Variants in KLHL14 observed in about 807,000 individuals in gnomAD.
The protein encoded by KLHL14 is kelch like family member 14, also known as kelch-like protein 14.
A neutral mutation model predicts 64.3 loss-of-function variants in KLHL14; 22 were observed. The observed-to-expected ratio is 0.34, with a 90% CI of 0.24 to 0.49. The LOEUF (loss-of-function observed/expected upper bound fraction) is 0.49. Among genes scored for constraint, KLHL14 ranks in the 20% least tolerant of loss-of-function variants. KLHL14 has a pLI of 0.99. For synonymous variants in KLHL14, 322 were observed against 333.4 expected (o/e 0.97, Z 0.37); for missense variants, 661 against 789.0 (o/e 0.84, Z 1.94).
chr18:32,693,413 C>CACAGAGAG (rs1229737083), intron 4 of KLHL14, among the ~76,000 whole-genome samples: 41 of 97,036 alleles, frequency 4.2e-4, no homozygotes, highest in African/African-American at 1.7e-3. Context: ...CACACACACA[C>CACAGAGAG]AGAGAGAGAG....
At chr18:32,766,271 A>G (rs1281095516) in intron 2 of KLHL14, among the ~76,000 whole-genome samples, 1 of 152,130 alleles carries the variant, frequency 6.6e-6, no homozygotes, top group Non-Finnish European at 1.5e-5. Context: ...TATACATTAA[A>G]ATTTCAAACT....
chr18:32,741,773 T>C (rs2144530379), intron 3 of KLHL14, among the ~76,000 whole-genome samples, 155 bp downstream of exon 3: 1 of 152,226 alleles, frequency 6.6e-6, no homozygotes, highest in African/African-American at 2.4e-5. Context: ...AATTTAGTTT[T>C]TTACTCTAAA....
At position 32,770,081 on chromosome 18, in the gene KLHL14, T is replaced by A. The variant is rs375947842; in HGVS notation, c.511A>T (p.Lys171Ter). The A allele has an allele frequency of 6.2e-7, 1 of 1,613,972 alleles. No homozygotes were observed. The highest frequency in any genetic ancestry group is 8.5e-7 in the Non-Finnish European group (1 of 1,179,978). Residue 171 changes from lysine to a stop codon, truncating the protein, a stop_gained, in exon 2 of 9, where the codon AAG (lysine) becomes TAG (stop). Coordinates refer to ENST00000359358, the MANE Select transcript of KLHL14 (RefSeq NM_020805.3). LOFTEE classifies it high-confidence loss of function. This position sits in a 1 kb window ranked among gnomAD's most constrained non-coding sequence, Gnocchi z 6.7. ...SKILHIPQVTKLCVQFLNDQI... is the reference protein window; with the variant it reads ...SKILHIPQVT ...TCGTTGAGGAACTGCACGCAGAGCTTGGTGACCTGGGGGATGTGCAGGATC... is the reference window on the plus strand; with the variant it reads ...TCGTTGAGGAACTGCACGCAGAGCTAGGTGACCTGGGGGATGTGCAGGATC...
At position 32,770,364 on chromosome 18, in the gene KLHL14, G is replaced by A. The variant is rs2050375961; in HGVS notation, c.228C>T (p.Asp76=). The change falls in exon 2 of 9, where the codon GAC becomes GAT. Residue 76 remains aspartate (D), a synonymous_variant. Transcript: ENST00000359358. This position sits in a 1 kb window ranked among gnomAD's most constrained non-coding sequence, Gnocchi z 6.7. The stretch of plus-strand genomic sequence containing the variant: ...GCTGGTCCTTGGGGGCCCCCAGGCC[G>A]TCCTGGCCGCCGACCCCTCCCCCGA... ...PPLGGGVGGQ[D]GLGAPKDQQQ... 1.3e-6 allele frequency: 2 copies of A among 1,586,714 alleles called. No individual in the cohort carries two copies. Among genetic ancestry groups the A allele is most frequent in the African/African-American group, 1.3e-5 (1 of 74,360 alleles).
chr18:32,738,871 A>G (rs1375622387), intron 3 of KLHL14, among the ~76,000 whole-genome samples: 1 of 152,140 alleles, frequency 6.6e-6, no homozygotes, highest in African/African-American at 2.4e-5. Flanking sequence ...AAATATAAAT[A>G]ACATAATAGG....
chr18:32,721,405 C>G (rs964575180), intron 3 of KLHL14, among the ~76,000 whole-genome samples: 6 of 151,938 alleles, frequency 3.9e-5, no homozygotes, highest in Non-Finnish European at 8.8e-5. Flanking sequence ...AAGACATAAG[C>G]TCTTCCTAAT....
rs549547540 is a variant in KLHL14, at chr18:32,675,578, A to G, written c.1747-781T>C. Among the ~76,000 whole-genome samples, 5 of 152,302 alleles carry G rather than the reference A, an allele frequency of 3.3e-5. No homozygotes were observed. The East Asian group carries it at 5.8e-4, about 18-fold the overall frequency. The stretch of plus-strand genomic sequence containing the variant: ...GAAATGAAAGTTTGTCAACTTTCTC[A>G]TATATTGATTTATTTATTTTCAAGA... On this transcript the variant is annotated intron_variant, in intron 8 of 8. Coordinates refer to ENST00000359358, the MANE Select transcript of KLHL14 (RefSeq NM_020805.3).
chr18:32,751,971 A>G (rs1598576272), intron 2 of KLHL14, among the ~76,000 whole-genome samples: 1 of 152,308 alleles, frequency 6.6e-6, no homozygotes, highest in African/African-American at 2.4e-5. Flanking sequence ...TACTAAAAAT[A>G]CAAAAATTAG....
rs375420128 is a variant in KLHL14, at chr18:32,680,612, G to A, written c.1239-13C>T. ...GAAACTGGCTCTTCTACAATGAAAAGAACCCACAGTAAATCACAAGAGGAG... is the reference window on the plus strand; with the variant it reads ...GAAACTGGCTCTTCTACAATGAAAAAAACCCACAGTAAATCACAAGAGGAG... On this transcript the variant is annotated splice_polypyrimidine_tract_variant and intron_variant, in intron 5 of 8. Coordinates refer to ENST00000359358, the MANE Select transcript of KLHL14 (RefSeq NM_020805.3). The surrounding 1 kb of genome is among the most constrained non-coding windows in gnomAD (Gnocchi z 4.8). 65 of 1,592,634 alleles carry A rather than the reference G, an allele frequency of 4.1e-5. No homozygotes were observed. The highest frequency in any genetic ancestry group is 5.0e-5 in the Non-Finnish European group (58 of 1,169,790).
At chr18:32,765,156 G>C (rs762151440) in intron 2 of KLHL14, among the ~76,000 whole-genome samples, 2 of 152,074 alleles carry the variant, frequency 1.3e-5, no homozygotes, top group African/African-American at 2.4e-5. Context: ...CCATACCTTG[G>C]GCTGTTATGA....
intron 7 of KLHL14, among the ~76,000 whole-genome samples, chr18:32,679,624 C>T (rs989685328): frequency 6.6e-6 from 1 of 151,908 alleles, no homozygotes. Flanking sequence ...TCTAAAAATG[C>T]TATGCTTTAA....
In KLHL14 at chr18:32,758,517, G is replaced by C. The variant is rs142660770; in HGVS notation, c.947+11128C>G. 3.3e-5 allele frequency among the ~76,000 whole-genome samples: 5 copies of C among 152,318 alleles called. No individual in the cohort carries two copies. In the East Asian group the frequency reaches 9.6e-4, roughly 29 times the overall value. On this transcript the variant is annotated intron_variant, in intron 2 of 8. Transcript: ENST00000359358. ...AGCTGCTTTGAAAAGCCATCTGGCA[G>C]TTCCTCAAAAGGTTAAATATTTGTT...
rs111430209 is a variant in KLHL14 at position 32,699,853 on chromosome 18, T to G, written c.1070-4301A>C. Among the ~76,000 whole-genome samples, 584 of 152,198 alleles carry G rather than the reference T, an allele frequency of 3.8e-3. 8 individuals are homozygous for G. The highest frequency in any genetic ancestry group is 0.028 in the South Asian group (135 of 4,818). On this transcript the variant is annotated intron_variant, in intron 3 of 8. Coordinates refer to ENST00000359358, the MANE Select transcript of KLHL14 (RefSeq NM_020805.3). ...AATAGCTGGTTTCCTTAAAGCAGAGTACATTTGTTTTATGGAGCCAGAAAA... is the reference window on the plus strand; with the variant it reads ...AATAGCTGGTTTCCTTAAAGCAGAGGACATTTGTTTTATGGAGCCAGAAAA...
In KLHL14 at chr18:32,696,798, C is replaced by T. The variant is rs193220118; in HGVS notation, c.1070-1246G>A. On this transcript the variant is annotated intron_variant, in intron 3 of 8. Coordinates refer to ENST00000359358, the MANE Select transcript of KLHL14 (RefSeq NM_020805.3). Reference sequence around the variant, plus strand: ...TTTTATTTTTCTCAGAAAGCATTTACGCTGGCTAAGATATTTAAATAAAAA... The same window carrying T: ...TTTTATTTTTCTCAGAAAGCATTTATGCTGGCTAAGATATTTAAATAAAAA... 5.3e-4 allele frequency among the ~76,000 whole-genome samples: 80 copies of T among 152,202 alleles called. 3 individuals are homozygous for T. The highest frequency in any genetic ancestry group is 3.4e-3 in the Middle Eastern group (1 of 294).
intron 3 of KLHL14, among the ~76,000 whole-genome samples, chr18:32,699,655 T>G (rs2049954408): frequency 6.6e-6 from 1 of 152,170 alleles, no homozygotes; most frequent in Admixed American, 6.6e-5. Flanking sequence ...TGTTCATCCA[T>G]CCAGCAAGTA....
intron 3 of KLHL14, among the ~76,000 whole-genome samples, chr18:32,726,762 C>T (rs2144515950): frequency 6.6e-6 from 1 of 152,186 alleles, no homozygotes; most frequent in Non-Finnish European, 1.5e-5. Context: ...GGACATATTA[C>T]ACACTGCAGA....
rs530538870 is a variant in KLHL14, at chr18:32,770,789, A to G, written c.-43-155T>C. 2.2e-4 allele frequency among the ~76,000 whole-genome samples: 33 copies of G among 151,578 alleles called. No individual in the cohort carries two copies. The highest frequency in any genetic ancestry group is 6.1e-4 in the African/African-American group (25 of 41,318). On this transcript the variant is annotated intron_variant, in intron 1 of 8. Transcript: ENST00000359358. The surrounding 1 kb of genome is among the most constrained non-coding windows in gnomAD (Gnocchi z 6.7). ...CCCTCCTGGCGCGCTCCGGACCCCG[A>G]CCCTAGGAGGAAAGTCCGAAGACGC...
At chr18:32,746,957 G>T (rs2050226839) in intron 2 of KLHL14, among the ~76,000 whole-genome samples, 1 of 152,162 alleles carries the variant, frequency 6.6e-6, no homozygotes, top group African/African-American at 2.4e-5. Context: ...CAGCCTTCCA[G>T]TTGATGCTAA....
chr18:32,737,737 C>A (rs562442256), intron 3 of KLHL14: 2 of 152,126 alleles, frequency 1.3e-5, no homozygotes, highest in Admixed American at 6.6e-5. Flanking sequence ...TAGGAAACCA[C>A]CACCCAACAG....
Sources: allele counts gnomAD v4.1 joint callset (sites outside exome capture counted in the v4.1 genomes callset), GRCh38; gene constraint gnomAD v4.1.1; non-coding constraint Gnocchi (gnomAD v3.1); transcripts MANE v1.5; gene names NCBI Gene and HGNC (gene_info 2026-07-23, HGNC 2026-07-21).